Variants in SORL1 observed in about 807,000 individuals in gnomAD.
SORL1 encodes the protein sortilin related receptor 1.
In SORL1, 127 loss-of-function variants were observed where a neutral mutation model predicts 273.7. The observed-to-expected ratio is 0.46, with a 90% confidence interval of 0.40 to 0.54. SORL1 has a LOEUF of 0.54. Among genes scored for constraint, SORL1 ranks in the 20% least tolerant of loss-of-function variants. The probability of loss-of-function intolerance (pLI) is 0.00; values close to 1 mark genes in which losing one functional copy is unlikely to be tolerated. For synonymous variants in SORL1, 1,031 were observed against 1,067.4 expected, an observed-to-expected ratio of 0.97 and a Z score of 0.66; for missense variants, 2,494 against 2,846.1, an observed-to-expected ratio of 0.88 and a Z score of 2.81.
At chr11:121,568,322 A>T (rs1274985175) in intron 22 of SORL1, among the ~76,000 whole-genome samples, 1 of 152,240 alleles carries the variant, frequency 6.6e-6, no homozygotes, top group Non-Finnish European at 1.5e-5. Flanking sequence ...TTTCTTAGAA[A>T]CAAGAGACTT....
At chr11:121,620,012 C>A in intron 43 of SORL1, 95 bp downstream of exon 43, 1 of 1,000,242 alleles carries the variant, frequency 1.0e-6, no homozygotes, top group Non-Finnish European at 1.5e-6. Context: ...GCAAGAAACA[C>A]AGGCCTGGTT....
chr11:121,487,403 T>A (rs1241818608), intron 3 of SORL1, among the ~76,000 whole-genome samples: 1 of 152,186 alleles, frequency 6.6e-6, no homozygotes, highest in Admixed American at 6.5e-5. Context: ...ACACAGAAGC[T>A]AAGTAGGATG....
chr11:121,507,480 C>G (rs1265789756), intron 6 of SORL1, among the ~76,000 whole-genome samples: 1 of 152,006 alleles, frequency 6.6e-6, no homozygotes, highest in African/African-American at 2.4e-5. Context: ...TGTTGTCAGA[C>G]TGAGACATCA....
chr11:121,535,084 T>C (rs1862248955), intron 12 of SORL1, among the ~76,000 whole-genome samples: 1 of 105,944 alleles, frequency 9.4e-6, no homozygotes, highest in Admixed American at 9.2e-5. Context: ...CCAAGATTGC[T>C]TATGGTTTTT....
At chr11:121,541,826 A>C (rs1373862729) in intron 12 of SORL1, among the ~76,000 whole-genome samples, 1 of 152,204 alleles carries the variant, frequency 6.6e-6, no homozygotes, top group Non-Finnish European at 1.5e-5. Flanking sequence ...GACACCAAAG[A>C]TAATGTAAAA....
At chr11:121,536,541 G>A (rs1014005107) in intron 12 of SORL1, among the ~76,000 whole-genome samples, 2 of 148,690 alleles carry the variant, frequency 1.3e-5, no homozygotes, top group Non-Finnish European at 3.0e-5. Context: ...CTGGGACCAC[G>A]GGCAGGAGCC....
intron 6 of SORL1, among the ~76,000 whole-genome samples, chr11:121,500,709 A>T (rs1481164909): frequency 6.6e-6 from 1 of 152,222 alleles, no homozygotes. Context: ...GGTAACTGGA[A>T]TCGCAATGTC....
intron 12 of SORL1, among the ~76,000 whole-genome samples, chr11:121,534,663 A>G (rs747929720): frequency 3.3e-5 from 5 of 152,260 alleles, no homozygotes; most frequent in Non-Finnish European, 5.9e-5. Context: ...TGTGTTGTTC[A>G]CAGAGGTATT....
At chr11:121,576,719 C>A (rs1357915170) in intron 24 of SORL1, 19 of 1,443,476 alleles carry the variant, frequency 1.3e-5, no homozygotes, top group Admixed American at 2.7e-5. Flanking sequence ...CCCCACCCTT[C>A]TAGAGACAGC....
chr11:121,558,767 C>T lies in SORL1; in HGVS notation c.2840C>T (p.Thr947Met), dbSNP rs143571823. 1,234 of 1,614,150 alleles carry T rather than the reference C, an allele frequency of 7.6e-4. 5 individuals are homozygous for T. In the African/African-American group the frequency reaches 0.014, roughly 19 times the overall value. Reference sequence around the variant, plus strand: ...TACCTGGAGTGCATAGAGCGGATCACGTTCAGTGGCCAGCAGCGCTCTGTC... The same window carrying T: ...TACCTGGAGTGCATAGAGCGGATCATGTTCAGTGGCCAGCAGCGCTCTGTC... ...DAYLECIERITFSGQQRSVIL... is the reference protein window; with the variant it reads ...DAYLECIERIMFSGQQRSVIL... The change falls in exon 20 of 48, where the codon ACG (threonine) becomes ATG (methionine). Residue 947 changes from threonine (T) to methionine (M), a missense_variant. Physicochemically the swap from Thr to Met is moderately conservative, Grantham distance 81 (BLOSUM62 -1). Transcript: ENST00000260197.
In SORL1 at chr11:121,604,188, T is replaced by C; in HGVS notation, c.4520-5T>C. ...GTGGACTTAAGAAGCCTCTCTGTGT[T>C]TCAGCCACACACAGCACCTTGACTT... On this transcript the variant is annotated splice_polypyrimidine_tract_variant and splice_region_variant and intron_variant, in intron 32 of 47. Transcript: ENST00000260197. 1 of 1,613,918 alleles carries C rather than the reference T, an allele frequency of 6.2e-7. No homozygotes were observed. Among genetic ancestry groups the C allele is most frequent in the Non-Finnish European group, 8.5e-7 (1 of 1,179,920 alleles).
intron 8 of SORL1, among the ~76,000 whole-genome samples, chr11:121,517,347 T>C (rs1011039541): frequency 2.6e-5 from 4 of 152,230 alleles, no homozygotes; most frequent in African/African-American, 9.7e-5. Context: ...ATATGTGACC[T>C]TCTGTGTCTG....
chr11:121,509,088 C>T (rs555504325), intron 6 of SORL1, among the ~76,000 whole-genome samples: 11 of 151,490 alleles, frequency 7.3e-5, no homozygotes, highest in African/African-American at 1.5e-4. Context: ...TCCCAGATGT[C>T]AGATTTTAGC....
intron 12 of SORL1, among the ~76,000 whole-genome samples, chr11:121,538,543 G>C (rs1488194003): frequency 2.0e-5 from 3 of 152,068 alleles, no homozygotes; most frequent in Non-Finnish European, 4.4e-5. Flanking sequence ...CTTTCTTATG[G>C]ATCTTATTAT....
At chr11:121,460,177 A>G (rs1405243517) in intron 1 of SORL1, among the ~76,000 whole-genome samples, 2 of 152,194 alleles carry the variant, frequency 1.3e-5, no homozygotes, top group Non-Finnish European at 2.9e-5. Flanking sequence ...TTTTAAATGA[A>G]GAAGGTAACT....
chr11:121,476,956 T>C lies in SORL1; in HGVS notation c.403-1162T>C, dbSNP rs147793724. Among the ~76,000 whole-genome samples, 701 of 151,726 alleles carry C rather than the reference T, an allele frequency of 4.6e-3. 6 individuals carry two copies. The highest frequency in any genetic ancestry group is 0.016 in the African/African-American group (675 of 41,308). On this transcript the variant is annotated intron_variant, in intron 2 of 47. Coordinates refer to ENST00000260197, the MANE Select transcript of SORL1 (RefSeq NM_003105.6). ...ACAGGCTCAAACCACCAAGCCAGGCTCATTTTTATATTTTCTGTAGATATA... is the reference window on the plus strand; with the variant it reads ...ACAGGCTCAAACCACCAAGCCAGGCCCATTTTTATATTTTCTGTAGATATA...
At chr11:121,581,652 G>A (rs1357397295) in intron 25 of SORL1, among the ~76,000 whole-genome samples, 1 of 152,174 alleles carries the variant, frequency 6.6e-6, no homozygotes, top group Admixed American at 6.5e-5. Flanking sequence ...AATGCGTTAT[G>A]TATTCCAGCC....
At chr11:121,486,671 G>C (rs1273150296) in intron 3 of SORL1, among the ~76,000 whole-genome samples, 1 of 151,788 alleles carries the variant, frequency 6.6e-6, no homozygotes, top group African/African-American at 2.4e-5. Context: ...AGTAGAGATG[G>C]GTTTTCACCC....
chr11:121,502,124 C>CTTTT lies in SORL1; in HGVS notation c.939+5101_939+5104dup, dbSNP rs57842880. ...GTAACTACTGGGTCATGTGACAATT[C>CTTTT]TTTTTTTTTTTTTTTTTTTTTTTTT... On this transcript the variant is annotated intron_variant, in intron 6 of 47. Coordinates refer to ENST00000260197, the MANE Select transcript of SORL1 (RefSeq NM_003105.6). Among the ~76,000 whole-genome samples the CTTTT allele has an allele frequency of 2.7e-3, 174 of 65,192 alleles. 36 individuals carry two copies. Among genetic ancestry groups the CTTTT allele is most frequent in the African/African-American group, 7.5e-3 (141 of 18,862 alleles). The allele number at this position is 65,192 out of a possible 152,430, so 42.8% of individuals were successfully genotyped here. A position where few individuals can be genotyped will look rare whatever the true frequency, so the allele number is the denominator to read the frequency against.
Sources: allele counts gnomAD v4.1 joint callset (sites outside exome capture counted in the v4.1 genomes callset), GRCh38; gene constraint gnomAD v4.1.1; transcripts MANE v1.5; gene names NCBI Gene and HGNC (gene_info 2026-07-23, HGNC 2026-07-21).